RARG: variants seen among roughly 807,000 people sequenced by gnomAD.
RARG encodes the protein RAR-gamma.
Under a neutral mutation model 43.7 loss-of-function variants are expected in RARG, and 17 were observed. The observed-to-expected ratio is 0.39, with a 90% CI of 0.27 to 0.58. RARG has a LOEUF of 0.58. Among genes scored for constraint, RARG ranks in the 20% least tolerant of loss-of-function variants. The pLI, the probability that RARG is intolerant of heterozygous loss-of-function variation, is 0.57. For missense variants in RARG, 346 were observed against 598.7 expected, an observed-to-expected ratio of 0.58 and a Z score of 4.40; for synonymous variants, 238 against 236.4, an observed-to-expected ratio of 1.01 and a Z score of -0.06.
intron 3 of RARG, among the ~76,000 whole-genome samples, chr12:53,219,132 G>C (rs1480408784): frequency 6.6e-6 from 1 of 152,132 alleles, no homozygotes; most frequent in Non-Finnish European, 1.5e-5. Flanking sequence ...TGCTCGCCCT[G>C]CCGCTGTCAA....
chr12:53,215,326 G>T lies in RARG; in HGVS notation c.442C>A (p.Gln148Lys). ...GACATGCCCACTTCGAAGCACTTCT[G>T]TAGCCGGCAGTACTGGCAGCGATTC... The part of the protein sequence containing the change: ...TRNRCQYCRL[Q>K]KCFEVGMSKE... Residue 148 changes from glutamine (Q) to lysine (K), a missense_variant, in exon 5 of 10, where the codon CAG (glutamine) becomes AAG (lysine). Physicochemically the swap from Gln to Lys is moderately conservative, Grantham distance 53. This residue lies in a region of RARG where 50 missense variants were observed against 117.7 expected (regional missense o/e 0.42). Transcript: ENST00000425354. The surrounding 1 kb of genome is among the most constrained non-coding windows in gnomAD (Gnocchi z 6.4). 6.2e-7 allele frequency: 1 copy of T among 1,614,136 alleles called. No individual in the cohort carries two copies. Among genetic ancestry groups the T allele is most frequent in the Non-Finnish European group, 8.5e-7 (1 of 1,180,002 alleles).
At chr12:53,218,475 C>G (rs1466944211) in intron 3 of RARG, among the ~76,000 whole-genome samples, 1 of 151,874 alleles carries the variant, frequency 6.6e-6, no homozygotes, top group East Asian at 1.9e-4. Context: ...TACCCCAACT[C>G]CCCATCCTAT....
chr12:53,221,852 C>A (rs1180025613), intron 3 of RARG, among the ~76,000 whole-genome samples: 2 of 151,766 alleles, frequency 1.3e-5, no homozygotes, highest in South Asian at 2.1e-4. Flanking sequence ...CCCGGCCCTT[C>A]CCCCGCCAGG....
intron 7 of RARG, 49 bp downstream of exon 7, chr12:53,214,010 G>A (rs552809324): frequency 1.9e-6 from 3 of 1,559,106 alleles, no homozygotes; most frequent in African/African-American, 1.4e-5. Context: ...ATTGTTGAGG[G>A]TCCCATATGT....
At chr12:53,212,695 A>C (rs986458662) in intron 9 of RARG, among the ~76,000 whole-genome samples, 17 of 152,054 alleles carry the variant, frequency 1.1e-4, no homozygotes, top group Non-Finnish European at 4.4e-5. Context: ...AGATTAAAAA[A>C]GTAAAGCAAT....
At chr12:53,212,160 C>T (rs113357146) in intron 9 of RARG, among the ~76,000 whole-genome samples, 9 of 152,330 alleles carry the variant, frequency 5.9e-5, no homozygotes, top group African/African-American at 2.2e-4. Context: ...CCCCAAGTAC[C>T]CCACTCTCGA....
At chr12:53,220,308 G>A in intron 3 of RARG, 1 of 1,419,852 alleles carries the variant, frequency 7.0e-7, no homozygotes, top group Non-Finnish European at 9.2e-7. Context: ...CGAAGCTGGG[G>A]CTGCCGCTTT....
At chr12:53,220,570 G>A (rs928038838) in intron 3 of RARG, among the ~76,000 whole-genome samples, 2 of 152,134 alleles carry the variant, frequency 1.3e-5, no homozygotes, top group Non-Finnish European at 2.9e-5. Flanking sequence ...AAATATGCAA[G>A]AGTGAACATA....
intron 2 of RARG, among the ~76,000 whole-genome samples, chr12:53,229,508 C>T (rs542077652): frequency 1.8e-4 from 27 of 152,324 alleles, no homozygotes; most frequent in Non-Finnish European, 3.7e-4. Flanking sequence ...ACCACCCATA[C>T]ACCCAGCACC....
chr12:53,213,338 C>T lies in RARG; in HGVS notation c.1019-95G>A. 1 of 1,489,542 alleles carries T rather than the reference C, an allele frequency of 6.7e-7. No individual in the cohort carries two copies. The highest frequency in any genetic ancestry group is 1.7e-4 in the Middle Eastern group (1 of 5,750). 92.3% of individuals were successfully genotyped at this position (1,489,542 alleles called of 1,614,324 possible). A position where few individuals can be genotyped will look rare whatever the true frequency, so the allele number is the denominator to read the frequency against. Reference sequence around the variant, plus strand: ...ATCACCAACCGGCGTTTTGGGAAGCCTGTACAGGGTTTCAGAACTCTCTGG... The same window carrying T: ...ATCACCAACCGGCGTTTTGGGAAGCTTGTACAGGGTTTCAGAACTCTCTGG... On this transcript the variant is annotated intron_variant, in intron 8 of 9. Transcript: ENST00000425354. The surrounding 1 kb of genome is among the most constrained non-coding windows in gnomAD (Gnocchi z 4.7).
In RARG at chr12:53,227,499, G is replaced by A; in HGVS notation, c.47C>T (p.Pro16Leu). Residue 16 changes from proline to leucine, a missense_variant, in exon 3 of 10, where the codon CCT becomes CTT. Pro to Leu is a moderately conservative substitution (Grantham distance 98). Coordinates refer to ENST00000425354, the MANE Select transcript of RARG (RefSeq NM_000966.6). This position sits in a 1 kb window ranked among gnomAD's most constrained non-coding sequence, Gnocchi z 4.3. ...ERLFAAGALGPGSGYPGAGFP... is the reference protein window; with the variant it reads ...ERLFAAGALGLGSGYPGAGFP... ...ACCTGCCCCTGGGTAGCCAGATCCA[G>A]GCCCCAGGGCACCAGCCGCAAAGAG... is the stretch of plus-strand genomic sequence containing the variant. The A allele has an allele frequency of 6.2e-7, 1 of 1,604,438 alleles. No homozygotes were observed. Among genetic ancestry groups the A allele is most frequent in the Non-Finnish European group, 8.5e-7 (1 of 1,176,088 alleles).
intron 3 of RARG, chr12:53,219,810 C>T (rs1317081861): frequency 4.0e-6 from 3 of 747,220 alleles, no homozygotes; most frequent in Admixed American, 3.7e-5. Context: ...GCTGAGGCCC[C>T]CACGTTTAAA....
intron 3 of RARG, chr12:53,220,237 G>T: frequency 7.4e-7 from 1 of 1,354,384 alleles, no homozygotes; most frequent in Non-Finnish European, 9.8e-7. Flanking sequence ...GCTGCATGCG[G>T]GTAAGGGGTG....
At chr12:53,221,178 G>A (rs1205512218) in intron 3 of RARG, among the ~76,000 whole-genome samples, 2 of 110,238 alleles carry the variant, frequency 1.8e-5, no homozygotes, top group African/African-American at 7.0e-5. Context: ...CCCCTCCAGC[G>A]CAGCCAGAGT....
intron 3 of RARG, among the ~76,000 whole-genome samples, chr12:53,218,866 C>T (rs866659000): frequency 1.3e-5 from 2 of 151,966 alleles, no homozygotes; most frequent in Admixed American, 6.5e-5. Flanking sequence ...CCGTCCGCAC[C>T]CAGGCAGCGA....
intron 9 of RARG, among the ~76,000 whole-genome samples, chr12:53,212,646 C>T (rs181206903): frequency 6.7e-6 from 1 of 150,302 alleles, no homozygotes; most frequent in East Asian, 2.0e-4. Flanking sequence ...CTCAAGACAG[C>T]GTTACAAGGT....
At chr12:53,222,897 G>C (rs950895698) in intron 3 of RARG, among the ~76,000 whole-genome samples, 4 of 152,110 alleles carry the variant, frequency 2.6e-5, no homozygotes, top group Non-Finnish European at 4.4e-5. Flanking sequence ...CACCATCCTG[G>C]TGGGAGTATG....
rs1431478247 is a variant in RARG at position 53,213,390 on chromosome 12, C to G, written c.1018+106G>C. The G allele has an allele frequency of 6.7e-7, 1 of 1,490,532 alleles. No homozygotes were observed. Among genetic ancestry groups the G allele is most frequent in the South Asian group, 1.2e-5 (1 of 86,736 alleles). 92.3% of individuals were successfully genotyped at this position (1,490,532 alleles called of 1,614,324 possible). A position where few individuals can be genotyped will look rare whatever the true frequency, so the allele number is the denominator to read the frequency against. On this transcript the variant is annotated intron_variant, in intron 8 of 9. Transcript: ENST00000425354. The surrounding 1 kb of genome is among the most constrained non-coding windows in gnomAD (Gnocchi z 4.7). ...TGGGGCCAGGTGCAAGAATTACCAG[C>G]AGAAGAGACCACTGGGTCCTCCACG...
chr12:53,225,588 C>G (rs1288775047), intron 3 of RARG, among the ~76,000 whole-genome samples: 1 of 152,230 alleles, frequency 6.6e-6, no homozygotes. Context: ...CTCGTGGAGC[C>G]ATGAAGGATG....
Sources: gnomAD v4.1 joint callset for allele counts (sites outside exome capture counted in the v4.1 genomes callset) on GRCh38, gnomAD v4.1.1 for gene constraint, gnomAD v4.1.1 regional missense constraint, Gnocchi (gnomAD v3.1) non-coding constraint, MANE v1.5 for transcripts, NCBI Gene and HGNC (gene_info 2026-07-23, HGNC 2026-07-21) for gene names.